Variants in PARD3 observed in about 807,000 individuals in gnomAD.
PARD3 encodes partitioning defective 3 homolog.
Under a neutral mutation model 155.4 loss-of-function variants are expected in PARD3, and 75 were observed. The observed-to-expected ratio is 0.48, with a 90% CI of 0.40 to 0.58. The LOEUF is 0.58. Ranked by LOEUF, PARD3 falls within the 20% of genes least tolerant of loss-of-function variation. PARD3 has a pLI of 0.00. For synonymous variants in PARD3, 576 were observed against 610.5 expected (o/e 0.94, Z 0.83); for missense variants, 1,642 against 1,721.7 (o/e 0.95, Z 0.82).
At chr10:34,412,430 C>T (rs1845184803) in intron 5 of PARD3, among the ~76,000 whole-genome samples, 1 of 152,200 alleles carries the variant, frequency 6.6e-6, no homozygotes, top group Admixed American at 6.5e-5. Context: ...ACTTTACCTC[C>T]CATTCCACCT....
intron 1 of PARD3, among the ~76,000 whole-genome samples, chr10:34,758,894 G>A (rs1045990097): frequency 2.0e-5 from 3 of 152,100 alleles, no homozygotes; most frequent in Non-Finnish European, 2.9e-5. Context: ...TGACTGAAAC[G>A]GCTAAATTAG....
chr10:34,348,432 G>C (rs1311914033), intron 14 of PARD3, among the ~76,000 whole-genome samples: 1 of 152,164 alleles, frequency 6.6e-6, no homozygotes, highest in African/African-American at 2.4e-5. Context: ...GTCTGTTTAA[G>C]TCAATTTAAG....
At chr10:34,404,637 C>G (rs974809186) in intron 5 of PARD3, among the ~76,000 whole-genome samples, 4 of 151,856 alleles carry the variant, frequency 2.6e-5, no homozygotes, top group Non-Finnish European at 4.4e-5. Flanking sequence ...CTCTCCATTT[C>G]ATAGCAGAGT....
rs539346592 is a variant in PARD3 at position 34,470,629 on chromosome 10, A to C, written c.404-366T>G. Reference sequence around the variant, plus strand: ...GGTAATGTAAGGACTAAATAATATAAAGGGGTTAAACAGTGCTAGACATAT... The same window carrying C: ...GGTAATGTAAGGACTAAATAATATACAGGGGTTAAACAGTGCTAGACATAT... On this transcript the variant is annotated intron_variant, in intron 3 of 24. Transcript: ENST00000374788. Among the ~76,000 whole-genome samples the C allele has an allele frequency of 2.0e-5, 3 of 152,308 alleles. No homozygotes were observed. In the South Asian group the frequency reaches 6.2e-4, roughly 32 times the overall value.
chr10:34,798,705 CAAA>C (rs55803946), intron 1 of PARD3, among the ~76,000 whole-genome samples: 18 of 114,700 alleles, frequency 1.6e-4, no homozygotes, highest in Non-Finnish European at 1.5e-4. Flanking sequence ...ACTCTGTCTC[CAAA>C]AAAAAAAAAA....
At chr10:34,745,686 T>C (rs1008452406) in intron 1 of PARD3, among the ~76,000 whole-genome samples, 15 of 152,158 alleles carry the variant, frequency 9.9e-5, no homozygotes, top group Non-Finnish European at 4.4e-5. Context: ...ATGCCTGTAA[T>C]CCCAGCACTT....
chr10:34,779,464 T>TA (rs1839998884), intron 1 of PARD3, among the ~76,000 whole-genome samples: 1 of 148,850 alleles, frequency 6.7e-6, no homozygotes, highest in African/African-American at 2.5e-5. Context: ...AAAAAAAAAT[T>TA]AAAAAAATTA....
intron 11 of PARD3, 39 bp from the exon 12 acceptor site, chr10:34,372,575 A>G (rs1314976603): frequency 1.3e-6 from 2 of 1,484,638 alleles, no homozygotes; most frequent in Non-Finnish European, 1.9e-6. Flanking sequence ...CAGACTGACC[A>G]AAGCCATCTT....
At chr10:34,720,448 CAAAAAAAAAAAAAAAAA>C (rs10603866) in intron 1 of PARD3, among the ~76,000 whole-genome samples, 12 of 56,872 alleles carry the variant, frequency 2.1e-4, no homozygotes, top group Non-Finnish European at 3.6e-4. Flanking sequence ...AAGGCTCTGT[CAAAAAAAAAAAAAAAAA>C]AAAAAAAAAG....
At chr10:34,617,324 C>CCAGA (rs1160746869) in intron 2 of PARD3, among the ~76,000 whole-genome samples, 1 of 151,914 alleles carries the variant, frequency 6.6e-6, no homozygotes, top group African/African-American at 2.4e-5. Context: ...CCAGTGCTTA[C>CCAGA]CAGAGACTGG....
intron 1 of PARD3, among the ~76,000 whole-genome samples, chr10:34,704,732 G>A (rs1239342327): frequency 6.6e-6 from 1 of 152,170 alleles, no homozygotes; most frequent in Non-Finnish European, 1.5e-5. Context: ...ATGTGCACAT[G>A]TCACATTGAG....
At chr10:34,744,183 A>G (rs546105498) in intron 1 of PARD3, among the ~76,000 whole-genome samples, 1 of 152,330 alleles carries the variant, frequency 6.6e-6, no homozygotes, top group African/African-American at 2.4e-5. Flanking sequence ...ATAACAATAA[A>G]TAGCGCAACA....
chr10:34,606,180 G>C (rs1445359869), intron 2 of PARD3, among the ~76,000 whole-genome samples: 1 of 53,556 alleles, frequency 1.9e-5, no homozygotes, highest in Admixed American at 1.8e-4. Flanking sequence ...GTGTGTGTGT[G>C]TGTGTGTGTG....
intron 2 of PARD3, among the ~76,000 whole-genome samples, chr10:34,575,928 G>A (rs960235962): frequency 6.6e-6 from 1 of 151,412 alleles, no homozygotes; most frequent in Non-Finnish European, 1.5e-5. Context: ...AAGAAAATCA[G>A]GTATTTGAGC....
chr10:34,325,569 T>A (rs1228207496), intron 19 of PARD3, among the ~76,000 whole-genome samples: 1 of 151,916 alleles, frequency 6.6e-6, no homozygotes, highest in Non-Finnish European at 1.5e-5. Context: ...CACACTACAA[T>A]GGAACTGAAC....
chr10:34,565,644 T>G (rs2134103971), intron 2 of PARD3, among the ~76,000 whole-genome samples: 1 of 152,256 alleles, frequency 6.6e-6, no homozygotes, highest in East Asian at 1.9e-4. Context: ...TCCTCGTTTT[T>G]AAGAAGTGAT....
chr10:34,813,822 G>A (rs1421913011), intron 1 of PARD3, among the ~76,000 whole-genome samples: 1 of 152,158 alleles, frequency 6.6e-6, no homozygotes, highest in Admixed American at 6.5e-5. Flanking sequence ...GGGAAATACT[G>A]CACCCAAACG....
chr10:34,772,814 AAACT>A (rs1010256906), intron 1 of PARD3, among the ~76,000 whole-genome samples: 4 of 151,444 alleles, frequency 2.6e-5, no homozygotes, highest in Non-Finnish European at 5.9e-5. Flanking sequence ...AAAAAAAAAA[AAACT>A]ATTTCTACAT....
At chr10:34,638,359 T>C (rs2092556285) in intron 2 of PARD3, among the ~76,000 whole-genome samples, 6 of 152,098 alleles carry the variant, frequency 3.9e-5, no homozygotes, top group Admixed American at 3.3e-4. Context: ...AGAGGCAAAG[T>C]AGGGATCCAG....
Sources: allele counts gnomAD v4.1 joint callset (sites outside exome capture counted in the v4.1 genomes callset), GRCh38; gene constraint gnomAD v4.1.1; transcripts MANE v1.5; gene names NCBI Gene and HGNC (gene_info 2026-07-23, HGNC 2026-07-21).